DOP1A: variants seen among roughly 807,000 people sequenced by gnomAD.
DOP1A encodes the protein protein DOP1A.
A neutral mutation model predicts 267.6 loss-of-function variants in DOP1A; 90 were observed. The observed-to-expected ratio is 0.34, with a 90% CI of 0.28 to 0.40. The LOEUF is 0.40. DOP1A is among the 10% of genes least tolerant of loss of function. The pLI, the probability that DOP1A is intolerant of heterozygous loss-of-function variation, is 1.00. For synonymous variants in DOP1A, 932 were observed against 999.1 expected (o/e 0.93, Z 1.27); for missense variants, 2,437 against 2,900.4 (o/e 0.84, Z 3.67).
intron 19 of DOP1A, chr6:83,134,531 C>T: frequency 5.3e-6 from 2 of 379,866 alleles, no homozygotes; most frequent in Non-Finnish European, 9.4e-6. Context: ...AACTATTCAT[C>T]ACGTTCCTGA....
At chr6:83,092,694 A>G (rs1368153585) in intron 1 of DOP1A, among the ~76,000 whole-genome samples, 1 of 151,892 alleles carries the variant, frequency 6.6e-6, no homozygotes, top group African/African-American at 2.4e-5. Flanking sequence ...TTAATTTACA[A>G]ATTAGGCATA....
intron 4 of DOP1A, among the ~76,000 whole-genome samples, chr6:83,107,423 T>C (rs527352729): frequency 6.6e-6 from 1 of 152,312 alleles, no homozygotes; most frequent in East Asian, 1.9e-4. Context: ...CATTCTTTCT[T>C]GATGATTTCT....
At chr6:83,109,165 C>A in intron 5 of DOP1A, 85 bp downstream of exon 5, 1 of 1,226,398 alleles carries the variant, frequency 8.2e-7, no homozygotes, top group Non-Finnish European at 1.2e-6. Flanking sequence ...TTTAACATCA[C>A]AAATGAATTA....
intron 1 of DOP1A, among the ~76,000 whole-genome samples, chr6:83,084,873 G>A (rs1438823148): frequency 6.6e-6 from 1 of 152,016 alleles, no homozygotes; most frequent in Non-Finnish European, 1.5e-5. Flanking sequence ...TTACAAGCAT[G>A]AGCCACTGCA....
chr6:83,153,768 TC>T (rs1782195273), intron 31 of DOP1A, 125 bp from the exon 32 acceptor site: 2 of 1,204,316 alleles, frequency 1.7e-6, no homozygotes, highest in African/African-American at 1.6e-5. Flanking sequence ...ATATTATTTT[TC>T]TTATGGTGCT....
chr6:83,108,737 G>T (rs921701221), intron 4 of DOP1A, among the ~76,000 whole-genome samples, 173 bp from the exon 5 acceptor site: 4 of 152,204 alleles, frequency 2.6e-5, no homozygotes, highest in Non-Finnish European at 4.4e-5. Context: ...TAAAACCCAG[G>T]TGAGAGAACT....
chr6:83,079,031 A>G (rs754375379), intron 1 of DOP1A, among the ~76,000 whole-genome samples: 1 of 152,182 alleles, frequency 6.6e-6, no homozygotes, highest in Non-Finnish European at 1.5e-5. Flanking sequence ...TCTGTAAAGT[A>G]TCTTGATATC....
chr6:83,097,081 C>A lies in DOP1A; in HGVS notation c.104C>A (p.Ala35Glu). ...LKNFEYSSEWADLISALGKLN... is the reference protein window; with the variant it reads ...LKNFEYSSEWEDLISALGKLN... ...AATTTTGAATACTCCAGTGAATGGG[C>A]AGATTTGATATCAGCACTTGGAAAA... The change falls in exon 3 of 39, where the codon GCA (alanine) becomes GAA (glutamate). Residue 35 changes from alanine (A) to glutamate (E), a missense_variant. Physicochemically the swap from Ala to Glu is moderately radical, Grantham distance 107. Coordinates refer to ENST00000349129, the MANE Select transcript of DOP1A (RefSeq NM_015018.4). The A allele has an allele frequency of 1.2e-6, 2 of 1,614,010 alleles. No individual in the cohort carries two copies. The highest frequency in any genetic ancestry group is 1.7e-6 in the Non-Finnish European group (2 of 1,179,940).
intron 1 of DOP1A, among the ~76,000 whole-genome samples, chr6:83,078,864 A>T (rs906445175): frequency 1.3e-5 from 2 of 152,210 alleles, no homozygotes; most frequent in African/African-American, 2.4e-5. Flanking sequence ...TCTCTTACAG[A>T]ATTAACACCT....
In DOP1A at chr6:83,152,095, C is replaced by T. The variant is rs545151199; in HGVS notation, c.6049+68C>T. 93 of 1,580,172 alleles carry T rather than the reference C, an allele frequency of 5.9e-5. No individual in the cohort carries two copies. In the South Asian group the frequency reaches 9.7e-4, roughly 16 times the overall value. On this transcript the variant is annotated intron_variant, in intron 29 of 38. Transcript: ENST00000349129. The stretch of plus-strand genomic sequence containing the variant: ...ATATATTTACTAAGAAATCATTTTG[C>T]CTAGCACTATAAGTACCACAAATTT...
chr6:83,125,297 T>C lies in DOP1A; in HGVS notation c.1485+102T>C, dbSNP rs1583024503. 1.4e-5 allele frequency: 18 copies of C among 1,241,944 alleles called. No homozygotes were observed. The East Asian group carries it at 4.6e-4, about 32-fold the overall frequency. The allele number at this position is 1,241,944 out of a possible 1,614,324, so 76.9% of individuals were successfully genotyped here. On this transcript the variant is annotated intron_variant, in intron 14 of 38. Coordinates refer to ENST00000349129, the MANE Select transcript of DOP1A (RefSeq NM_015018.4). ...ATAAAACTGGGGTTATTTTATAATA[T>C]ATGCTTTGAAGTATTTAAATTGAGA...
At position 83,153,877 on chromosome 6, in the gene DOP1A, G is replaced by T; in HGVS notation, c.6240-17G>T. The T allele has an allele frequency of 6.3e-7, 1 of 1,594,592 alleles. No homozygotes were observed. The highest frequency in any genetic ancestry group is 8.5e-7 in the Non-Finnish European group (1 of 1,174,526). On this transcript the variant is annotated splice_polypyrimidine_tract_variant and intron_variant, in intron 31 of 38. Coordinates refer to ENST00000349129, the MANE Select transcript of DOP1A (RefSeq NM_015018.4). Reference sequence around the variant, plus strand: ...AAGTTAGGACACGTAGGTTAAGGTGGTTTTTCTTCCTTGTAGTGCACATAA... The same window carrying T: ...AAGTTAGGACACGTAGGTTAAGGTGTTTTTTCTTCCTTGTAGTGCACATAA...
At chr6:83,091,350 T>C (rs1157369342) in intron 1 of DOP1A, among the ~76,000 whole-genome samples, 1 of 152,154 alleles carries the variant, frequency 6.6e-6, no homozygotes, top group Non-Finnish European at 1.5e-5. Context: ...TTCTGCAAAA[T>C]GTCTCTTCTC....
At chr6:83,170,565 C>T (rs1340849720), downstream of DOP1A, 2 of 986,816 alleles carry the variant, frequency 2.0e-6, no homozygotes, top group African/African-American at 1.6e-5. Context: ...CGAAAAGTGC[C>T]AGACTAAATA....
In DOP1A at chr6:83,134,307, A is replaced by T; in HGVS notation, c.2870+20A>T. 1 of 1,597,550 alleles carries T rather than the reference A, an allele frequency of 6.3e-7. No individual in the cohort carries two copies. Among genetic ancestry groups the T allele is most frequent in the Non-Finnish European group, 8.6e-7 (1 of 1,168,430 alleles). The stretch of plus-strand genomic sequence containing the variant: ...TGACAGGTCAGTTACATTTTATATT[A>T]AGATTTCACAGTCATATATCTTAAT... On this transcript the variant is annotated intron_variant, in intron 19 of 38. Coordinates refer to ENST00000349129, the MANE Select transcript of DOP1A (RefSeq NM_015018.4).
At position 83,164,761 on chromosome 6, in the gene DOP1A, T is replaced by C. The variant is rs768268970; in HGVS notation, c.7092+1842T>C. 2.0e-5 allele frequency: 31 copies of C among 1,512,970 alleles called. 1 individual carries two copies. In the East Asian group the frequency reaches 4.5e-4, roughly 22 times the overall value. 93.7% of individuals were successfully genotyped at this position (1,512,970 alleles called of 1,614,324 possible). On this transcript the variant is annotated intron_variant, in intron 38 of 38. Transcript: ENST00000349129. The stretch of plus-strand genomic sequence containing the variant: ...CATGCTTATGATATGGCAGCAAAAG[T>C]TGCCAAATATTGAGACACAAACCCA...
intron 12 of DOP1A, among the ~76,000 whole-genome samples, chr6:83,123,370 A>T (rs1303339356): frequency 6.6e-6 from 1 of 152,078 alleles, no homozygotes; most frequent in East Asian, 1.9e-4. Context: ...TTTTAAAGCC[A>T]TTAGAACTAA....
chr6:83,134,386 A>G, intron 19 of DOP1A, 99 bp downstream of exon 19: 3 of 832,848 alleles, frequency 3.6e-6, no homozygotes, highest in Non-Finnish European at 5.2e-6. Flanking sequence ...GGAGATAGCA[A>G]TTTACAAATT....
At chr6:83,095,506 G>A (rs773469327) in intron 1 of DOP1A, among the ~76,000 whole-genome samples, 4 of 152,198 alleles carry the variant, frequency 2.6e-5, no homozygotes, top group Admixed American at 6.5e-5. Context: ...CTGTAGGTCC[G>A]TGCATCCAGC....
Sources: gnomAD v4.1 joint callset for allele counts (sites outside exome capture counted in the v4.1 genomes callset) on GRCh38, gnomAD v4.1.1 for gene constraint, MANE v1.5 for transcripts, NCBI Gene and HGNC (gene_info 2026-07-23, HGNC 2026-07-21) for gene names.